SUPT7L: variants seen among roughly 807,000 people sequenced by gnomAD.
SUPT7L encodes STAGA complex 65 subunit gamma.
A neutral mutation model predicts 35.7 loss-of-function variants in SUPT7L; 15 were observed. That is an observed-to-expected ratio of 0.42 (90% CI 0.28 to 0.65). The LOEUF is 0.65. SUPT7L is among the 30% of genes least tolerant of loss of function. The pLI is 0.23. For missense variants in SUPT7L, 434 were observed against 522.2 expected (o/e 0.83, Z 1.65); for synonymous variants, 168 against 186.2 (o/e 0.90, Z 0.79).
downstream of SUPT7L, chr2:27,647,886 A>G: frequency 1.2e-6 from 2 of 1,613,880 alleles, no homozygotes; most frequent in Non-Finnish European, 1.7e-6. Context: ...GACTCGAGGA[A>G]CCTTGGATGA....
intron 3 of SUPT7L, among the ~76,000 whole-genome samples, chr2:27,658,015 A>G (rs1415414369): frequency 6.6e-6 from 1 of 152,238 alleles, no homozygotes; most frequent in African/African-American, 2.4e-5. Context: ...ACACTGCTCA[A>G]TGATGCTCTA....
Position 27,660,979 on chromosome 2 carries a change from C to G in SUPT7L, c.419+5G>C, listed in dbSNP as rs559115318. On this transcript the variant is annotated splice_donor_5th_base_variant and intron_variant, in intron 3 of 5. Coordinates refer to ENST00000337768, the MANE Select transcript of SUPT7L (RefSeq NM_014860.3). Reference sequence around the variant, plus strand: ...AAAGTAAGATACAGCAAAGCCTTGCCTTACCGATAAAAGTCACTCTCTGGG... The same window carrying G: ...AAAGTAAGATACAGCAAAGCCTTGCGTTACCGATAAAAGTCACTCTCTGGG... 1.1e-5 allele frequency: 18 copies of G among 1,611,400 alleles called. No individual in the cohort carries two copies. In the Admixed American group the frequency reaches 1.7e-4, roughly 15 times the overall value.
intron 2 of SUPT7L, chr2:27,661,788 G>T (rs1572982805): frequency 4.7e-6 from 2 of 424,006 alleles, no homozygotes; most frequent in Non-Finnish European, 7.9e-6. Flanking sequence ...CTACCATCAC[G>T]CTCAATCCTG....
In SUPT7L at chr2:27,657,594, G is replaced by T. The variant is rs187232543; in HGVS notation, c.495C>A (p.Ile165=). 116 of 1,614,256 alleles carry T rather than the reference G, an allele frequency of 7.2e-5. 1 individual carries two copies. In the African/African-American group the frequency reaches 1.1e-3, roughly 16 times the overall value. The change falls in exon 4 of 6, where the codon ATC becomes ATA. Residue 165 remains isoleucine (I), a synonymous_variant. Transcript: ENST00000337768. This position sits in a 1 kb window ranked among gnomAD's most constrained non-coding sequence, Gnocchi z 5.2. ...RQLLYQAVAT[I]LAHAGFDCAN... ...CACAGTCAAAGCCCGCGTGGGCCAG[G>T]ATTGTGGCCACTGCCTGGTAGAGGA... is the stretch of plus-strand genomic sequence containing the variant.
Position 27,657,651 on chromosome 2 carries a change from C to T in SUPT7L, c.438G>A (p.Val146=), listed in dbSNP as rs1204884879. The change falls in exon 4 of 6, where the codon GTG becomes GTA. Residue 146 remains valine, a synonymous_variant. Coordinates refer to ENST00000337768, the MANE Select transcript of SUPT7L (RefSeq NM_014860.3). The surrounding 1 kb of genome is among the most constrained non-coding windows in gnomAD (Gnocchi z 5.2). ...GACAGGAGTGCCAGCTGAGTTCAGT[C>T]ACAGGTTCCCCTTTCCCACTGAAAG... ...SDFYRGKGEP[V]TELSWHSCRQ... 2 of 1,612,566 alleles carry T rather than the reference C, an allele frequency of 1.2e-6. No individual in the cohort carries two copies. Among genetic ancestry groups the T allele is most frequent in the Non-Finnish European group, 8.5e-7 (1 of 1,178,926 alleles).
downstream of SUPT7L, chr2:27,647,947 AGAGGTGGCT>A (rs750295395): frequency 5.1e-6 from 8 of 1,562,594 alleles, no homozygotes; most frequent in African/African-American, 2.7e-5. Flanking sequence ...CACAGAGGTG[AGAGGTGGCT>A]GAGGTGGCCC....
rs1453057326 is a variant in SUPT7L, at chr2:27,653,758, A to G, written c.983-11T>C. The G allele has an allele frequency of 1.9e-6, 3 of 1,614,046 alleles. No individual in the cohort carries two copies. Among genetic ancestry groups the G allele is most frequent in the Non-Finnish European group, 2.5e-6 (3 of 1,180,026 alleles). On this transcript the variant is annotated splice_polypyrimidine_tract_variant and intron_variant, in intron 5 of 5. Coordinates refer to ENST00000337768, the MANE Select transcript of SUPT7L (RefSeq NM_014860.3). Reference sequence around the variant, plus strand: ...CATTTACCTCTGCACCTAGAAACAGAGGAAAGATGGACATACACCAAGTGT... The same window carrying G: ...CATTTACCTCTGCACCTAGAAACAGGGGAAAGATGGACATACACCAAGTGT...
Position 27,653,416 on chromosome 2 carries a change from A to G in SUPT7L, c.*69T>C. ...GAGTCAAATCAATTTTTAAGGAAAC[A>G]GATTCTAATACAAAAACCTTTTCTG... is the stretch of plus-strand genomic sequence containing the variant. On this transcript the variant is annotated 3_prime_UTR_variant, in exon 6 of 6. Coordinates refer to ENST00000337768, the MANE Select transcript of SUPT7L (RefSeq NM_014860.3). 6.5e-7 allele frequency: 1 copy of G among 1,532,076 alleles called. No homozygotes were observed. The highest frequency in any genetic ancestry group is 8.7e-7 in the Non-Finnish European group (1 of 1,145,338). 94.9% of individuals were successfully genotyped at this position (1,532,076 alleles called of 1,614,324 possible). A position where few individuals can be genotyped will look rare whatever the true frequency, so the allele number is the denominator to read the frequency against.
downstream of SUPT7L, chr2:27,647,936 C>A (rs761402688): frequency 2.5e-6 from 4 of 1,597,022 alleles, no homozygotes; most frequent in Middle Eastern, 1.7e-4. Context: ...ATGACATTGA[C>A]CACAGAGGTG....
At chr2:27,661,829 G>C in intron 2 of SUPT7L, 1 of 396,958 alleles carries the variant, frequency 2.5e-6, no homozygotes, top group African/African-American at 2.0e-5. Context: ...AAGGTATCTT[G>C]ATACATCTGT....
rs1674565105 is a variant in SUPT7L, at chr2:27,651,750, T to TC, written c.*1734dup. The TC allele has an allele frequency of 6.6e-6, 1 of 152,252 alleles. No individual in the cohort carries two copies. The highest frequency in any genetic ancestry group is 1.5e-5 in the Non-Finnish European group (1 of 68,044). 9.4% of individuals were successfully genotyped at this position (152,252 alleles called of 1,614,324 possible). Reference sequence around the variant, plus strand: ...ACAGGACCTAGCAAATAATTGGTACTCAATGTTTGCTGGATGAATGAACTA... The same window carrying TC: ...ACAGGACCTAGCAAATAATTGGTACTCCAATGTTTGCTGGATGAATGAACTA... On this transcript the variant is annotated 3_prime_UTR_variant, in exon 6 of 6. Transcript: ENST00000337768.
rs1315545288 is a variant in SUPT7L, at chr2:27,652,166, A to AAATG, written c.*1318_*1319insCATT. 6.8e-4 allele frequency: 104 copies of AAATG among 152,112 alleles called. No individual in the cohort carries two copies. The highest frequency in any genetic ancestry group is 2.4e-3 in the African/African-American group (100 of 41,498). 9.4% of individuals were successfully genotyped at this position (152,112 alleles called of 1,614,324 possible). A position where few individuals can be genotyped will look rare whatever the true frequency, so the allele number is the denominator to read the frequency against. On this transcript the variant is annotated 3_prime_UTR_variant, in exon 6 of 6. Transcript: ENST00000337768. ...CCATCTCAAAAATAAATAAATAAAT[A>AAATG]AATAAATTAAAAAAAAGACTGTGAC...
the SUPT7L span, among the ~76,000 whole-genome samples, chr2:27,644,732 T>TG: frequency 6.7e-6 from 1 of 148,418 alleles, no homozygotes; most frequent in African/African-American, 2.5e-5. Context: ...TGTTTTTTTT[T>TG]TTTTTTTTTT....
intron 1 of SUPT7L, 83 bp from the exon 2 acceptor site, chr2:27,662,364 G>A: frequency 3.0e-6 from 2 of 660,774 alleles, no homozygotes; most frequent in Non-Finnish European, 2.6e-6. Flanking sequence ...TGGACCTGGG[G>A]TACTGGAAGC....
At chr2:27,644,180 A>AC in the SUPT7L span, among the ~76,000 whole-genome samples, 3 of 152,260 alleles carry the variant, frequency 2.0e-5, no homozygotes, top group East Asian at 5.8e-4. Context: ...CTCCATCTTA[A>AC]AAACAACAAC....
downstream of SUPT7L, among the ~76,000 whole-genome samples, chr2:27,646,048 G>T (rs1674210912): frequency 6.7e-6 from 1 of 149,964 alleles, no homozygotes; most frequent in Non-Finnish European, 1.5e-5. Flanking sequence ...ATGTATGTAT[G>T]TATTTATTTT....
rs1674533591 is a variant in SUPT7L, at chr2:27,651,274, C to G, written c.*2211G>C. ...CAGCATCATCTGGGGAATTGTTCAA[C>G]TTACCTCTTATAACCTATGAACTCA... On this transcript the variant is annotated 3_prime_UTR_variant, in exon 6 of 6. Transcript: ENST00000337768. The G allele has an allele frequency of 6.6e-6, 1 of 152,222 alleles. No homozygotes were observed. Among genetic ancestry groups the G allele is most frequent in the Non-Finnish European group, 1.5e-5 (1 of 68,044 alleles). The allele number at this position is 152,222 out of a possible 1,614,324, so 9.4% of individuals were successfully genotyped here. A position where few individuals can be genotyped will look rare whatever the true frequency, so the allele number is the denominator to read the frequency against.
intron 3 of SUPT7L, among the ~76,000 whole-genome samples, chr2:27,658,206 C>T (rs1179898568): frequency 6.6e-6 from 1 of 152,156 alleles, no homozygotes; most frequent in East Asian, 1.9e-4. Context: ...TTTATAAAAG[C>T]AATTTAAAAC....
At position 27,653,496 on chromosome 2, in the gene SUPT7L, T is replaced by G. The variant is rs1674652248; in HGVS notation, c.1234A>C (p.Arg412=). 1.9e-6 allele frequency: 3 copies of G among 1,613,822 alleles called. No individual in the cohort carries two copies. In the South Asian group the frequency reaches 3.3e-5, roughly 18 times the overall value. ...VFNQRCKKRM[R]KI is the part of the protein sequence containing the mutation. The stretch of plus-strand genomic sequence containing the variant: ...TCCCTCTTTTCCTTTTATATTTTCC[T>G]CATCCTCTTCTTGCAGCGCTGGTTG... The change falls in exon 6 of 6, where the codon AGG becomes CGG. Residue 412 remains arginine (R), a synonymous_variant. Transcript: ENST00000337768.
Sources: allele counts gnomAD v4.1 joint callset (sites outside exome capture counted in the v4.1 genomes callset), GRCh38; gene constraint gnomAD v4.1.1; non-coding constraint Gnocchi (gnomAD v3.1); transcripts MANE v1.5; gene names NCBI Gene and HGNC (gene_info 2026-07-23, HGNC 2026-07-21).